The following OPRM1 variants were observed in gnomAD, a reference collection of about 807,000 sequenced individuals.
The protein encoded by OPRM1 is opioid receptor mu 1, also known as mu-type opioid receptor.
Under a neutral mutation model 31.8 loss-of-function variants are expected in OPRM1, and 27 were observed. That is an observed-to-expected ratio of 0.85 (90% CI 0.63 to 1.17). OPRM1 has a LOEUF of 1.17. Among genes scored for constraint, OPRM1 ranks in the 50% most tolerant of loss-of-function variants. The pLI, the probability that OPRM1 is intolerant of heterozygous loss-of-function variation, is 0.00. For missense variants in OPRM1, 536 were observed against 511.1 expected (o/e 1.05, Z -0.47); for synonymous variants, 196 against 189.9 (o/e 1.03, Z -0.26).
intron 3 of OPRM1, among the ~76,000 whole-genome samples, chr6:154,219,813 T>C (rs976308181): frequency 1.3e-5 from 2 of 152,210 alleles, no homozygotes; most frequent in African/African-American, 4.8e-5. Context: ...AAGCTTTGTT[T>C]GGAAGACTCA....
chr6:154,055,201 A>G (rs1165627360), intron 1 of OPRM1, among the ~76,000 whole-genome samples: 1 of 152,150 alleles, frequency 6.6e-6, no homozygotes, highest in Non-Finnish European at 1.5e-5. Context: ...CGGCCTGGCC[A>G]TCATGGTGAA....
At chr6:154,221,268 C>T (rs754147972) in intron 3 of OPRM1, 2 of 1,613,764 alleles carry the variant, frequency 1.2e-6, no homozygotes, top group Non-Finnish European at 8.5e-7. Flanking sequence ...CGTTCATTTC[C>T]TGCACATTCT....
chr6:154,189,917 C>T (rs1319985006), intron 3 of OPRM1, among the ~76,000 whole-genome samples: 1 of 151,364 alleles, frequency 6.6e-6, no homozygotes, highest in Non-Finnish European at 1.5e-5. Flanking sequence ...ACACTCCAGC[C>T]TGGGCGACAG....
intron 1 of OPRM1, among the ~76,000 whole-genome samples, chr6:154,018,399 GACAGAGTGAGACTCTGTCTCAAAA>G (rs1021195562): frequency 2.6e-5 from 4 of 151,926 alleles, no homozygotes; most frequent in Non-Finnish European, 4.4e-5. Flanking sequence ...CAGCCTGTGT[GACAGAGTGAGACTCTGTCTCAAAA>G]ACAAACAAAC....
intron 1 of OPRM1, among the ~76,000 whole-genome samples, chr6:154,019,413 T>G (rs944001450): frequency 1.3e-5 from 2 of 152,060 alleles, no homozygotes; most frequent in African/African-American, 4.8e-5. Context: ...TCACCCAAAG[T>G]CCATAGTTTA....
In OPRM1 at chr6:154,119,607, A is replaced by G. The variant is rs671531; in HGVS notation, c.*886A>G. 130,803 of 198,566 alleles carry G rather than the reference A, an allele frequency of 0.66. 44,032 individuals carry two copies. The highest frequency in any genetic ancestry group is 0.9 in the East Asian group (4,777 of 5,324). 12.3% of individuals were successfully genotyped at this position (198,566 alleles called of 1,614,324 possible). On this transcript the variant is annotated 3_prime_UTR_variant, in exon 4 of 4. Coordinates refer to ENST00000330432, the MANE Select transcript of OPRM1 (RefSeq NM_000914.5). ...GGTTTCTCCATACTGCAGGCTCCCC[A>G]CATATTATTTTCTTTTTTTAACTCA...
At position 154,229,013 on chromosome 6, in the gene OPRM1, C is replaced by G. The variant is rs368920145; in HGVS notation, c.1165-17680C>G. ...CCCTAGATAAGTTTCCAGGATTCAA[C>G]TTAGGTGTGACCATTTCCAAAACTT... On this transcript the variant is annotated intron_variant, in intron 3 of 3. Coordinates refer to the OPRM1 transcript ENST00000337049. Among the ~76,000 whole-genome samples, 136 of 152,368 alleles carry G rather than the reference C, an allele frequency of 8.9e-4. 2 individuals are homozygous for G. The South Asian group carries it at 0.027, about 30-fold the overall frequency.
At position 154,130,763 on chromosome 6, in the gene OPRM1, C is replaced by A. The variant is rs1797851977; in HGVS notation, c.*12042C>A. On this transcript the variant is annotated 3_prime_UTR_variant, in exon 4 of 4. Coordinates refer to ENST00000330432, the MANE Select transcript of OPRM1 (RefSeq NM_000914.5). ...AATATATAAAGGGAATATATATATA[C>A]CAATATAAATGGGAATTTATATTGG... 6.6e-6 allele frequency among the ~76,000 whole-genome samples: 1 copy of A among 151,342 alleles called. No homozygotes were observed. Among genetic ancestry groups the A allele is most frequent in the African/African-American group, 2.4e-5 (1 of 41,200 alleles).
intron 1 of OPRM1, among the ~76,000 whole-genome samples, chr6:154,055,399 GAATA>G (rs1783050316): frequency 6.9e-6 from 1 of 145,670 alleles, no homozygotes; most frequent in Non-Finnish European, 1.5e-5. Flanking sequence ...AAAAATTAAT[GAATA>G]AACAAAAAAA....
At chr6:154,143,082 T>G (rs1296309935) in intron 3 of OPRM1, among the ~76,000 whole-genome samples, 4 of 152,156 alleles carry the variant, frequency 2.6e-5, no homozygotes. Context: ...TCATTTCTAA[T>G]ATATATATAA....
At chr6:154,100,485 A>G (rs1025182252) in intron 3 of OPRM1, among the ~76,000 whole-genome samples, 15 of 151,944 alleles carry the variant, frequency 9.9e-5, no homozygotes, top group Middle Eastern at 3.4e-3. Context: ...ACATCTGAAC[A>G]TATTAGAAAC....
intron 1 of OPRM1, chr6:154,083,795 T>G (rs1056453713): frequency 6.6e-6 from 1 of 152,052 alleles, no homozygotes. Context: ...ATACAAAAAA[T>G]TAGCCGGGCT....
In OPRM1 at chr6:154,168,112, T is replaced by C; in HGVS notation, c.1164+76640T>C. ...CATCATCTTCAGACACTTTTGTCTC[T>C]TCTATTTGAAAAAAAAAAAGAAAGC... On this transcript the variant is annotated intron_variant, in intron 3 of 3. Coordinates refer to the OPRM1 transcript ENST00000337049. The surrounding 1 kb of genome is among the most constrained non-coding windows in gnomAD (Gnocchi z 4.1). 3 of 1,528,150 alleles carry C rather than the reference T, an allele frequency of 2.0e-6. No homozygotes were observed. The highest frequency in any genetic ancestry group is 2.7e-6 in the Non-Finnish European group (3 of 1,131,074). The allele number at this position is 1,528,150 out of a possible 1,614,324, so 94.7% of individuals were successfully genotyped here. A position where few individuals can be genotyped will look rare whatever the true frequency, so the allele number is the denominator to read the frequency against.
At chr6:154,107,434 G>T (rs1795740772) in intron 3 of OPRM1, 2 of 718,162 alleles carry the variant, frequency 2.8e-6, no homozygotes, top group Non-Finnish European at 5.2e-6. Flanking sequence ...TCTTCACTCA[G>T]ATATTAAACC....
intron 3 of OPRM1, among the ~76,000 whole-genome samples, chr6:154,100,894 T>C (rs1794738445): frequency 6.7e-6 from 1 of 148,394 alleles, no homozygotes; most frequent in Non-Finnish European, 1.5e-5. Context: ...AATATATATG[T>C]ATATATAATC....
At chr6:154,167,711 T>TA (rs556312716) in intron 3 of OPRM1, among the ~76,000 whole-genome samples, 180 of 152,298 alleles carry the variant, frequency 1.2e-3, no homozygotes, top group Non-Finnish European at 5.7e-4. Context: ...CAAGGCCTAT[T>TA]GTGAAAAACT....
intron 3 of OPRM1, among the ~76,000 whole-genome samples, chr6:154,187,552 C>A (rs972111874): frequency 3.9e-5 from 6 of 152,168 alleles, no homozygotes; most frequent in Admixed American, 3.9e-4. Flanking sequence ...GGTGGGTGAC[C>A]TGTACTACCT....
chr6:154,048,051 C>A (rs1781501393), intron 1 of OPRM1, among the ~76,000 whole-genome samples: 1 of 152,142 alleles, frequency 6.6e-6, no homozygotes, highest in African/African-American at 2.4e-5. Flanking sequence ...AATCACCTCC[C>A]AAAGGCCCCA....
intron 3 of OPRM1, among the ~76,000 whole-genome samples, chr6:154,148,170 T>C (rs938885778): frequency 3.3e-5 from 5 of 152,150 alleles, no homozygotes; most frequent in Non-Finnish European, 7.4e-5. Flanking sequence ...TGGGATCCCA[T>C]GCATAGATCA....
Sources: allele counts gnomAD v4.1 joint callset (sites outside exome capture counted in the v4.1 genomes callset), GRCh38; gene constraint gnomAD v4.1.1; non-coding constraint Gnocchi (gnomAD v3.1); transcripts MANE v1.5; gene names NCBI Gene and HGNC (gene_info 2026-07-23, HGNC 2026-07-21).